Variants in KDM4C observed in about 807,000 individuals in gnomAD.
KDM4C encodes the protein lysine-specific demethylase 4C.
Under a neutral mutation model 129.3 loss-of-function variants are expected in KDM4C, and 81 were observed. That is an observed-to-expected ratio of 0.63 (90% CI 0.52 to 0.75). The LOEUF (loss-of-function observed/expected upper bound fraction) is 0.75, where lower values mean the gene tolerates loss of function less well. KDM4C is among the 30% of genes least tolerant of loss of function. The probability of loss-of-function intolerance (pLI) is 0.00; values close to 1 mark genes in which losing one functional copy is unlikely to be tolerated. For synonymous variants in KDM4C, 573 were observed against 456.1 expected, an observed-to-expected ratio of 1.26 and a Z score of -3.26; for missense variants, 1,457 against 1,304.0, an observed-to-expected ratio of 1.12 and a Z score of -1.81.
intron 1 of KDM4C, among the ~76,000 whole-genome samples, chr9:6,788,030 T>C (rs1588265271): frequency 6.6e-6 from 1 of 152,234 alleles, no homozygotes; most frequent in East Asian, 1.9e-4. Context: ...AAGAGTCCGA[T>C]AGTCTCTTTC....
chr9:7,016,414 A>G (rs1020278845), intron 15 of KDM4C, among the ~76,000 whole-genome samples: 1 of 137,838 alleles, frequency 7.3e-6, no homozygotes, highest in Non-Finnish European at 1.5e-5. Context: ...GGCGGGAGCC[A>G]CTGTTCCTGG....
At chr9:6,908,497 C>T (rs1818719410) in intron 8 of KDM4C, among the ~76,000 whole-genome samples, 1 of 152,110 alleles carries the variant, frequency 6.6e-6, no homozygotes, top group South Asian at 2.1e-4. Flanking sequence ...GAGTGGGGCA[C>T]AGGTGGGAAC....
chr9:7,010,151 A>G (rs887548424), intron 12 of KDM4C, among the ~76,000 whole-genome samples: 4 of 152,214 alleles, frequency 2.6e-5, no homozygotes, highest in African/African-American at 7.2e-5. Context: ...TTTTTTAGCC[A>G]TCTCCTTTTG....
chr9:7,143,288 G>C (rs932466601), intron 19 of KDM4C, among the ~76,000 whole-genome samples: 24 of 152,152 alleles, frequency 1.6e-4, no homozygotes, highest in Non-Finnish European at 2.9e-4. Context: ...TACTTTTTTA[G>C]TAGATTGAAA....
At chr9:7,167,933 G>A (rs545134474) in intron 20 of KDM4C, among the ~76,000 whole-genome samples, 1 of 152,344 alleles carries the variant, frequency 6.6e-6, no homozygotes, top group Non-Finnish European at 1.5e-5. Context: ...TGTAATCCCA[G>A]CACTTTGGAA....
At chr9:7,001,143 G>A (rs1027154811) in intron 12 of KDM4C, among the ~76,000 whole-genome samples, 21 of 152,156 alleles carry the variant, frequency 1.4e-4, no homozygotes, top group African/African-American at 4.8e-4. Context: ...AGGTTCCCAG[G>A]CTTCAGAGAA....
intron 19 of KDM4C, among the ~76,000 whole-genome samples, chr9:7,164,441 C>G (rs1027047173): frequency 5.9e-5 from 9 of 151,658 alleles, no homozygotes; most frequent in Non-Finnish European, 1.5e-5. Flanking sequence ...AACAGAAGAT[C>G]TGAAATGAAA....
intron 8 of KDM4C, among the ~76,000 whole-genome samples, chr9:6,975,569 A>AT (rs201065220): frequency 6.6e-6 from 1 of 152,018 alleles, no homozygotes; most frequent in Non-Finnish European, 1.5e-5. Context: ...TTCTTCATAT[A>AT]TTTTTTTAAG....
intron 15 of KDM4C, among the ~76,000 whole-genome samples, chr9:7,019,742 A>AT (rs1563993188): frequency 2.7e-4 from 34 of 125,268 alleles, no homozygotes; most frequent in African/African-American, 5.5e-4. Flanking sequence ...ATATAAAAAT[A>AT]TAATATTTTT....
intron 4 of KDM4C, among the ~76,000 whole-genome samples, chr9:6,838,644 G>A (rs974952094): frequency 2.0e-5 from 3 of 151,866 alleles, no homozygotes; most frequent in African/African-American, 7.3e-5. Context: ...CTATATGATG[G>A]TTGTTGTTGA....
At chr9:6,860,677 G>A (rs1840760135) in intron 5 of KDM4C, among the ~76,000 whole-genome samples, 1 of 152,196 alleles carries the variant, frequency 6.6e-6, no homozygotes, top group South Asian at 2.1e-4. Context: ...TCTGAGCCCA[G>A]CTTCTGAAGG....
intron 6 of KDM4C, among the ~76,000 whole-genome samples, chr9:6,883,138 C>T (rs1844736592): frequency 6.6e-6 from 1 of 152,126 alleles, no homozygotes; most frequent in African/African-American, 2.4e-5. Context: ...CTAAATTAAC[C>T]TGCTCTCATA....
At chr9:7,081,960 T>C (rs1261654106) in intron 17 of KDM4C, among the ~76,000 whole-genome samples, 1 of 152,146 alleles carries the variant, frequency 6.6e-6, no homozygotes, top group Non-Finnish European at 1.5e-5. Context: ...GCTAATGGAC[T>C]TTTTAGAAAG....
chr9:6,930,658 TATAATAGTACA>T (rs201400124), intron 8 of KDM4C, among the ~76,000 whole-genome samples: 44,891 of 147,940 alleles, frequency 0.3, 7,091 homozygotes, highest in Middle Eastern at 0.43. Flanking sequence ...ACATACTACA[TATAATAGTACA>T]ATTAATATAT....
chr9:6,815,818 T>G (rs1301114622), intron 4 of KDM4C, among the ~76,000 whole-genome samples: 2 of 152,194 alleles, frequency 1.3e-5, no homozygotes, highest in African/African-American at 4.8e-5. Flanking sequence ...GCATTATGGG[T>G]AAGGGATACT....
chr9:7,037,882 T>A (rs1161033791), intron 15 of KDM4C, among the ~76,000 whole-genome samples: 2 of 152,140 alleles, frequency 1.3e-5, no homozygotes, highest in Admixed American at 6.6e-5. Flanking sequence ...TGACTAGCAG[T>A]ATAGCCAGAT....
intron 15 of KDM4C, among the ~76,000 whole-genome samples, chr9:7,020,234 G>T (rs879445153): frequency 1.3e-5 from 2 of 152,110 alleles, no homozygotes; most frequent in Non-Finnish European, 2.9e-5. Context: ...TAGAATTATG[G>T]CCCTATGCCC....
chr9:6,856,539 C>CGTGTGTGT (rs201267627), intron 5 of KDM4C, among the ~76,000 whole-genome samples: 2,236 of 131,556 alleles, frequency 0.017, 36 homozygotes, highest in East Asian at 0.026. Flanking sequence ...TCTCTGTGTG[C>CGTGTGTGT]GTGTGTGTGT....
At chr9:7,096,666 C>G (rs1371282527) in intron 17 of KDM4C, among the ~76,000 whole-genome samples, 1 of 152,112 alleles carries the variant, frequency 6.6e-6, no homozygotes, top group African/African-American at 2.4e-5. Flanking sequence ...TGACAGGTGC[C>G]TTTAATAAAA....
Sources: allele counts gnomAD v4.1 joint callset (sites outside exome capture counted in the v4.1 genomes callset), GRCh38; gene constraint gnomAD v4.1.1; transcripts MANE v1.5; gene names NCBI Gene and HGNC (gene_info 2026-07-23, HGNC 2026-07-21).